PTPRD: variants seen among roughly 807,000 people sequenced by gnomAD.
PTPRD encodes protein tyrosine phosphatase receptor type D.
PTPRD carries 34 observed loss-of-function variants against 214.5 expected under a neutral mutation model. The observed-to-expected ratio is 0.16, with a 90% confidence interval of 0.12 to 0.21. The LOEUF is 0.21. Among genes scored for constraint, PTPRD ranks in the 10% least tolerant of loss-of-function variants. The pLI is 1.00. For missense variants in PTPRD, 2,545 were observed against 2,398.7 expected, an observed-to-expected ratio of 1.06 and a Z score of -1.27; for synonymous variants, 1,128 against 845.7, an observed-to-expected ratio of 1.33 and a Z score of -5.79.
At chr9:9,707,693 A>G (rs1030320275) in intron 7 of PTPRD, among the ~76,000 whole-genome samples, 1 of 152,148 alleles carries the variant, frequency 6.6e-6, no homozygotes, top group Non-Finnish European at 1.5e-5. Flanking sequence ...CTTTTTTCTA[A>G]AATGTATAAA....
intron 5 of PTPRD, among the ~76,000 whole-genome samples, chr9:9,837,407 G>A (rs1299909390): frequency 9.9e-5 from 15 of 152,080 alleles, no homozygotes; most frequent in Admixed American, 9.8e-4. Flanking sequence ...TTGCATTTTA[G>A]TCAATAACCA....
Position 9,203,310 on chromosome 9 carries a change from G to A in PTPRD, c.-202-19947C>T, listed in dbSNP as rs191705847. Among the ~76,000 whole-genome samples the A allele has an allele frequency of 3.9e-5, 6 of 152,080 alleles. No homozygotes were observed. The East Asian group carries it at 9.7e-4, about 25-fold the overall frequency. On this transcript the variant is annotated intron_variant, in intron 9 of 45. Coordinates refer to ENST00000381196, the MANE Select transcript of PTPRD (RefSeq NM_002839.4). ...TTTATCTGAAATTTAGAAAGCCTAG[G>A]TGATGGAGTCAGGGCCACAAAACTG... is the stretch of plus-strand genomic sequence containing the variant.
intron 10 of PTPRD, among the ~76,000 whole-genome samples, chr9:9,029,030 T>A (rs1543670): frequency 6.6e-6 from 1 of 151,582 alleles, no homozygotes; most frequent in Non-Finnish European, 1.5e-5. Flanking sequence ...TAGTAAGAAT[T>A]GAGATGTACA....
intron 11 of PTPRD, among the ~76,000 whole-genome samples, chr9:9,016,750 G>A (rs2099537076): frequency 6.6e-6 from 1 of 152,098 alleles, no homozygotes; most frequent in African/African-American, 2.4e-5. Context: ...CACTTGCAGG[G>A]AGCTAGAACC....
At chr9:10,583,461 T>C (rs1244578277) in intron 2 of PTPRD, among the ~76,000 whole-genome samples, 2 of 151,754 alleles carry the variant, frequency 1.3e-5, no homozygotes, top group Admixed American at 6.6e-5. Flanking sequence ...GAAGTTCTTT[T>C]TTTTTTTTTA....
intron 5 of PTPRD, among the ~76,000 whole-genome samples, chr9:9,909,203 T>C (rs2078469592): frequency 1.3e-5 from 2 of 151,930 alleles, no homozygotes; most frequent in African/African-American, 4.8e-5. Flanking sequence ...CTACCTGAAA[T>C]GGCATATCTG....
intron 34 of PTPRD, among the ~76,000 whole-genome samples, chr9:8,442,649 C>T (rs1380766978): frequency 6.6e-6 from 1 of 152,136 alleles, no homozygotes; most frequent in African/African-American, 2.4e-5. Flanking sequence ...AGAGAAAATT[C>T]ATTCATTAAA....
chr9:8,667,320 C>G (rs1420808848), intron 12 of PTPRD, among the ~76,000 whole-genome samples: 1 of 152,148 alleles, frequency 6.6e-6, no homozygotes, highest in Non-Finnish European at 1.5e-5. Flanking sequence ...GCCTGGGCAA[C>G]AAGAGCAAAA....
chr9:9,511,975 GA>G (rs2154245544), intron 8 of PTPRD, among the ~76,000 whole-genome samples: 1 of 151,660 alleles, frequency 6.6e-6, no homozygotes, highest in South Asian at 2.1e-4. Flanking sequence ...CATAATCTAG[GA>G]AATAGGTCAT....
intron 9 of PTPRD, among the ~76,000 whole-genome samples, chr9:9,261,794 C>A (rs1359014652): frequency 6.6e-6 from 1 of 151,670 alleles, no homozygotes; most frequent in African/African-American, 2.4e-5. Flanking sequence ...CTAAGTGTGG[C>A]TCCTTCGTTA....
chr9:10,548,037 C>A (rs116996801), intron 2 of PTPRD, among the ~76,000 whole-genome samples: 1 of 152,130 alleles, frequency 6.6e-6, no homozygotes, highest in Non-Finnish European at 1.5e-5. Flanking sequence ...AGAGCTCTAG[C>A]AGTTGCTGTG....
chr9:8,532,723 T>A (rs1472290472), intron 14 of PTPRD, among the ~76,000 whole-genome samples: 1 of 152,080 alleles, frequency 6.6e-6, no homozygotes, highest in Non-Finnish European at 1.5e-5. Context: ...CCATTTGTTC[T>A]GTCATTTTGA....
intron 3 of PTPRD, among the ~76,000 whole-genome samples, chr9:10,053,415 G>T (rs190895007): frequency 6.6e-6 from 1 of 152,256 alleles, no homozygotes; most frequent in Non-Finnish European, 1.5e-5. Flanking sequence ...GAACTTGACT[G>T]AGGCATTTGG....
intron 5 of PTPRD, among the ~76,000 whole-genome samples, chr9:9,811,567 T>A (rs959017660): frequency 6.6e-6 from 1 of 151,662 alleles, no homozygotes. Flanking sequence ...ATTAGCCAGG[T>A]GTGGTGGCAG....
intron 12 of PTPRD, among the ~76,000 whole-genome samples, chr9:8,696,224 G>C (rs1292340329): frequency 6.6e-6 from 1 of 152,038 alleles, no homozygotes; most frequent in Non-Finnish European, 1.5e-5. Context: ...AAGAGGGCTG[G>C]CCTCTACCAT....
intron 9 of PTPRD, among the ~76,000 whole-genome samples, chr9:9,213,082 G>A (rs1353756947): frequency 6.6e-6 from 1 of 152,156 alleles, no homozygotes; most frequent in African/African-American, 2.4e-5. Context: ...TTGAAACGAT[G>A]CACATCAAAT....
intron 5 of PTPRD, among the ~76,000 whole-genome samples, chr9:9,811,492 G>T (rs1653863326): frequency 6.6e-6 from 1 of 152,146 alleles, no homozygotes; most frequent in Non-Finnish European, 1.5e-5. Context: ...CGGATCATGA[G>T]GTCAGGAGAT....
intron 7 of PTPRD, among the ~76,000 whole-genome samples, chr9:9,683,533 G>A (rs530074486): frequency 6.6e-6 from 1 of 151,616 alleles, no homozygotes; most frequent in South Asian, 2.1e-4. Context: ...TTCAAGAAGC[G>A]ACAATGCATA....
At chr9:9,470,341 C>A (rs1397473539) in intron 8 of PTPRD, among the ~76,000 whole-genome samples, 1 of 152,072 alleles carries the variant, frequency 6.6e-6, no homozygotes, top group Non-Finnish European at 1.5e-5. Context: ...CAAGATACCA[C>A]CTATTGGAAG....
Sources: gnomAD v4.1 joint callset for allele counts (sites outside exome capture counted in the v4.1 genomes callset) on GRCh38, gnomAD v4.1.1 for gene constraint, MANE v1.5 for transcripts, NCBI Gene and HGNC (gene_info 2026-07-23, HGNC 2026-07-21) for gene names.